CDK5RAP2: variants seen among roughly 807,000 people sequenced by gnomAD.
CDK5RAP2 encodes CDK5 regulatory subunit-associated protein 2.
A neutral mutation model predicts 232.9 loss-of-function variants in CDK5RAP2; 147 were observed. The ratio of observed to expected loss-of-function variants is 0.63; its 90% CI spans 0.55 to 0.72. CDK5RAP2 has a LOEUF of 0.72. Ranked by LOEUF, CDK5RAP2 falls within the 30% of genes least tolerant of loss-of-function variation. The probability of loss-of-function intolerance (pLI) is 0.00; values close to 1 mark genes in which losing one functional copy is unlikely to be tolerated. For synonymous variants in CDK5RAP2, 833 were observed against 833.7 expected, an observed-to-expected ratio of 1.00 and a Z score of 0.01; for missense variants, 2,195 against 2,231.5, an observed-to-expected ratio of 0.98 and a Z score of 0.33.
At position 120,409,115 on chromosome 9, in the gene CDK5RAP2, C is replaced by T. The variant is rs1369558448; in HGVS notation, c.4604+12G>A. ...TACGGCCAGCAGGCCACCAGGGAAGCACAGCCACTACCTGCTCAGCTCCTG... is the reference window on the plus strand; with the variant it reads ...TACGGCCAGCAGGCCACCAGGGAAGTACAGCCACTACCTGCTCAGCTCCTG... On this transcript the variant is annotated intron_variant, in intron 30 of 37. Coordinates refer to ENST00000349780, the MANE Select transcript of CDK5RAP2 (RefSeq NM_018249.6). The T allele has an allele frequency of 6.2e-7, 1 of 1,610,284 alleles. No homozygotes were observed. Among genetic ancestry groups the T allele is most frequent in the Admixed American group, 1.7e-5 (1 of 60,030 alleles).
chr9:120,545,563 G>A, intron 5 of CDK5RAP2, 151 bp downstream of exon 5: 1 of 720,250 alleles, frequency 1.4e-6, no homozygotes. Flanking sequence ...AAAGCTTGTT[G>A]AAAAGTAAAT....
chr9:120,456,035 TGAA>T (rs1002543060), intron 20 of CDK5RAP2, among the ~76,000 whole-genome samples: 9 of 152,168 alleles, frequency 5.9e-5, no homozygotes, highest in Admixed American at 4.6e-4. Context: ...TAAAGCAATC[TGAA>T]GAAGATTTTT....
intron 15 of CDK5RAP2, among the ~76,000 whole-genome samples, chr9:120,473,702 C>A (rs575509284): frequency 6.6e-6 from 1 of 152,186 alleles, no homozygotes; most frequent in Non-Finnish European, 1.5e-5. Context: ...GATGAAAAAC[C>A]TCACAGAGGT....
At chr9:120,469,591 T>G (rs918219108) in intron 17 of CDK5RAP2, among the ~76,000 whole-genome samples, 5 of 152,214 alleles carry the variant, frequency 3.3e-5, no homozygotes, top group Non-Finnish European at 7.3e-5. Context: ...GATCAACACA[T>G]TGAAGAATCT....
intron 18 of CDK5RAP2, among the ~76,000 whole-genome samples, chr9:120,461,311 C>T (rs2037075924): frequency 6.6e-6 from 1 of 152,246 alleles, no homozygotes; most frequent in African/African-American, 2.4e-5. Flanking sequence ...TTTATAAAGA[C>T]TGCATAAATC....
At chr9:120,458,924 G>A (rs762171012) in intron 19 of CDK5RAP2, among the ~76,000 whole-genome samples, 27 of 152,252 alleles carry the variant, frequency 1.8e-4, no homozygotes, top group Admixed American at 5.2e-4. Flanking sequence ...GGTACCTCCC[G>A]AGGTGGTTAG....
chr9:120,464,485 A>C (rs1280138896), intron 18 of CDK5RAP2, among the ~76,000 whole-genome samples: 1 of 152,128 alleles, frequency 6.6e-6, no homozygotes, highest in East Asian at 1.9e-4. Flanking sequence ...GACTTTTTTC[A>C]AAACGAGACC....
intron 29 of CDK5RAP2, among the ~76,000 whole-genome samples, chr9:120,410,921 C>G (rs2033807733): frequency 6.6e-6 from 1 of 152,180 alleles, no homozygotes; most frequent in African/African-American, 2.4e-5. Context: ...TTAAGACAAG[C>G]GATCTTTATA....
intron 14 of CDK5RAP2, among the ~76,000 whole-genome samples, chr9:120,484,567 C>T (rs948618948): frequency 4.0e-5 from 6 of 151,848 alleles, no homozygotes; most frequent in Non-Finnish European, 1.5e-5. Flanking sequence ...ACCAAAACTA[C>T]AAAAAAATTA....
At chr9:120,399,225 G>T (rs970883018) in intron 35 of CDK5RAP2, among the ~76,000 whole-genome samples, 5 of 152,200 alleles carry the variant, frequency 3.3e-5, no homozygotes, top group African/African-American at 4.8e-5. Context: ...TATTTTATAT[G>T]TAAGTGTATG....
chr9:120,481,593 A>G (rs1247887001), intron 14 of CDK5RAP2, among the ~76,000 whole-genome samples: 1 of 149,162 alleles, frequency 6.7e-6, no homozygotes, highest in Non-Finnish European at 1.5e-5. Context: ...GCTCAATGCA[A>G]CCTCCACCTC....
At chr9:120,393,665 C>T (rs1037480956) in intron 36 of CDK5RAP2, among the ~76,000 whole-genome samples, 4 of 152,210 alleles carry the variant, frequency 2.6e-5, no homozygotes, top group Non-Finnish European at 5.9e-5. Flanking sequence ...CTAAATGCAG[C>T]GGGAGGGAGT....
intron 3 of CDK5RAP2, among the ~76,000 whole-genome samples, chr9:120,552,845 TAA>T (rs879718096): frequency 1.4e-5 from 2 of 143,136 alleles, no homozygotes; most frequent in African/African-American, 5.1e-5. Context: ...AAGTTTAATT[TAA>T]AAAAAAAAAA....
At chr9:120,560,238 T>C (rs1315850134) in intron 3 of CDK5RAP2, among the ~76,000 whole-genome samples, 3 of 152,218 alleles carry the variant, frequency 2.0e-5, no homozygotes, top group African/African-American at 7.2e-5. Context: ...ATCTATAAAA[T>C]GAGGATAAAG....
rs528103153 is a variant in CDK5RAP2, at chr9:120,452,776, T to C, written c.2793+680A>G. ...AAACCCGGGTTGGAAGGTAGCCTGATCCAGGGAAAGGGTGTGGCTGTGCAG... is the reference window on the plus strand; with the variant it reads ...AAACCCGGGTTGGAAGGTAGCCTGACCCAGGGAAAGGGTGTGGCTGTGCAG... On this transcript the variant is annotated intron_variant, in intron 21 of 37. Transcript: ENST00000349780. Among the ~76,000 whole-genome samples the C allele has an allele frequency of 3.2e-4, 48 of 151,992 alleles. 1 individual carries two copies. In the South Asian group the frequency reaches 9.8e-3, roughly 31 times the overall value.
chr9:120,533,795 T>A (rs1335876225), intron 7 of CDK5RAP2, among the ~76,000 whole-genome samples: 3 of 93,168 alleles, frequency 3.2e-5, no homozygotes, highest in South Asian at 3.8e-4. Flanking sequence ...TAAGACTCCA[T>A]CTAAAAAAAA....
intron 22 of CDK5RAP2, 142 bp downstream of exon 22, chr9:120,447,753 T>G (rs1275654164): frequency 1.3e-6 from 1 of 755,816 alleles, no homozygotes; most frequent in Non-Finnish European, 2.4e-6. Context: ...TGTGCATTTG[T>G]CAAGAGTCAA....
At position 120,409,225 on chromosome 9, in the gene CDK5RAP2, C is replaced by T; in HGVS notation, c.4506G>A (p.Lys1502=). The change falls in exon 30 of 38, where the codon AAG becomes AAA. Residue 1502 remains lysine (K), a synonymous_variant. Coordinates refer to ENST00000349780, the MANE Select transcript of CDK5RAP2 (RefSeq NM_018249.6). ...CTTTCTGCAGCCTTTCATTTTCTTC[C>T]TTCACGCTGGCATACTCCCGCTGAA... is the stretch of plus-strand genomic sequence containing the variant. ...EHLQREYASV[K]EENERLQKEG... 1 of 1,614,182 alleles carries T rather than the reference C, an allele frequency of 6.2e-7. No homozygotes were observed. Among genetic ancestry groups the T allele is most frequent in the Non-Finnish European group, 8.5e-7 (1 of 1,180,038 alleles).
intron 11 of CDK5RAP2, among the ~76,000 whole-genome samples, chr9:120,523,163 T>C (rs779714335): frequency 6.6e-6 from 1 of 152,224 alleles, no homozygotes; most frequent in Admixed American, 6.5e-5. Context: ...ACCAACACTG[T>C]ACATTGTAAG....
Sources: gnomAD v4.1 joint callset for allele counts (sites outside exome capture counted in the v4.1 genomes callset) on GRCh38, gnomAD v4.1.1 for gene constraint, MANE v1.5 for transcripts, NCBI Gene and HGNC (gene_info 2026-07-23, HGNC 2026-07-21) for gene names.